The following EML5 variants were observed in gnomAD, a reference collection of about 807,000 sequenced individuals.
The protein encoded by EML5 is EMAP like 5.
In EML5, 120 loss-of-function variants were observed where a neutral mutation model predicts 250.0. The observed-to-expected ratio is 0.48, with a 90% CI of 0.41 to 0.56. The LOEUF (loss-of-function observed/expected upper bound fraction) is 0.56, where lower values mean the gene tolerates loss of function less well. Ranked by LOEUF, EML5 falls within the 20% of genes least tolerant of loss-of-function variation. The probability of loss-of-function intolerance (pLI) is 0.00; values close to 1 mark genes in which losing one functional copy is unlikely to be tolerated. For missense variants in EML5, 2,006 were observed against 2,437.6 expected (o/e 0.82, Z 3.73); for synonymous variants, 771 against 806.5 (o/e 0.96, Z 0.75).
In EML5 at chr14:88,626,750, A is replaced by G. The variant is rs2089995858; in HGVS notation, c.4740+88T>C. ...GTAATGATTAGCAGATCACAGTATCATCTCAACAACATTCATGTGGCTGAT... is the reference window on the plus strand; with the variant it reads ...GTAATGATTAGCAGATCACAGTATCGTCTCAACAACATTCATGTGGCTGAT... On this transcript the variant is annotated intron_variant, in intron 35 of 43. Coordinates refer to ENST00000554922, the MANE Select transcript of EML5 (RefSeq NM_183387.3). 6.9e-6 allele frequency: 9 copies of G among 1,309,866 alleles called. No homozygotes were observed. The South Asian group carries it at 1.0e-4, about 15-fold the overall frequency. The allele number at this position is 1,309,866 out of a possible 1,614,324, so 81.1% of individuals were successfully genotyped here.
rs1381147121 is a variant in EML5, at chr14:88,614,804, T to C, written c.*1014A>G. ...ACTGACAAGTTTTTACAAATGGAGT[T>C]GGGCTCATTCATTTTGGAAATAAAC... On this transcript the variant is annotated 3_prime_UTR_variant, in exon 44 of 44. Coordinates refer to ENST00000554922, the MANE Select transcript of EML5 (RefSeq NM_183387.3). 1 of 152,148 alleles carries C rather than the reference T, an allele frequency of 6.6e-6. No individual in the cohort carries two copies. Among genetic ancestry groups the C allele is most frequent in the Non-Finnish European group, 1.5e-5 (1 of 68,012 alleles). 9.4% of individuals were successfully genotyped at this position (152,148 alleles called of 1,614,324 possible).
In EML5 at chr14:88,661,741, T is replaced by TA; in HGVS notation, c.3587dup (p.Thr1197AsnfsTer8). The stretch of plus-strand genomic sequence containing the variant: ...TGTCACTGGTGAGGCAAGAAGCAGT[T>TA]ACATCTGTAACTTCTCCAATTACTG... On this transcript the variant is annotated frameshift_variant, in exon 25 of 44. Coordinates refer to ENST00000554922, the MANE Select transcript of EML5 (RefSeq NM_183387.3). LOFTEE classifies it high-confidence loss of function. 6.2e-7 allele frequency: 1 copy of TA among 1,613,760 alleles called. No individual in the cohort carries two copies. Among genetic ancestry groups the TA allele is most frequent in the East Asian group, 2.2e-5 (1 of 44,826 alleles).
intron 10 of EML5, among the ~76,000 whole-genome samples, chr14:88,708,015 G>A (rs1402485496): frequency 6.6e-6 from 1 of 152,140 alleles, no homozygotes; most frequent in Non-Finnish European, 1.5e-5. Context: ...CTCAGCATCT[G>A]ATCTGCCTAT....
Position 88,681,938 on chromosome 14 carries a change from C to G in EML5, c.3076G>C (p.Asp1026His). The part of the protein sequence containing the change: ...VSDDKTLRIW[D>H]LSPSHCMLAV... ...AACATACAATGACTAGGTGAGAGAT[C>G]CCATATTCTTAAGGTTTTATCATCG... Residue 1026 changes from aspartate (D) to histidine (H), a missense_variant, in exon 21 of 44, where the codon GAT (aspartate) becomes CAT (histidine). Asp to His is a moderately conservative substitution (Grantham distance 81). Coordinates refer to ENST00000554922, the MANE Select transcript of EML5 (RefSeq NM_183387.3). 6.2e-7 allele frequency: 1 copy of G among 1,613,248 alleles called. No individual in the cohort carries two copies. The highest frequency in any genetic ancestry group is 8.5e-7 in the Non-Finnish European group (1 of 1,179,620).
chr14:88,688,793 A>G (rs907846158), intron 17 of EML5, among the ~76,000 whole-genome samples: 1 of 152,210 alleles, frequency 6.6e-6, no homozygotes, highest in African/African-American at 2.4e-5. Flanking sequence ...ACCCCAATAC[A>G]ATGAATGCCT....
Position 88,715,113 on chromosome 14 carries a change from C to T in EML5, c.1270G>A (p.Ala424Thr), listed in dbSNP as rs527837701. The T allele has an allele frequency of 1.2e-6, 2 of 1,613,298 alleles. No individual in the cohort carries two copies. Among genetic ancestry groups the T allele is most frequent in the African/African-American group, 2.7e-5 (2 of 74,922 alleles). ...ACCGAGCTGTCATTGCATCCAACAG[C>T]AAGGTAAGTTCCATCTGGTGAATAT... ...LKYSPDGTYL[A>T]VGCNDSSVDI... The change falls in exon 9 of 44, where the codon GCT becomes ACT. Residue 424 changes from alanine to threonine, a missense_variant. Physicochemically the swap from Ala to Thr is moderately conservative, Grantham distance 58. This residue lies in a region of EML5 where 1,375 missense variants were observed against 1,590.3 expected (regional missense o/e 0.86). Transcript: ENST00000554922.
Position 88,657,497 on chromosome 14 carries a change from C to T in EML5, c.3883G>A (p.Asp1295Asn). Residue 1295 changes from aspartate (D) to asparagine (N), a missense_variant, in exon 27 of 44, where the codon GAC (aspartate) becomes AAC (asparagine). Asp to Asn is a conservative substitution (Grantham distance 23). Coordinates refer to ENST00000554922, the MANE Select transcript of EML5 (RefSeq NM_183387.3). ...TCATTCTCCCTTGTAACATCACTGT[C>T]ATAGCCTACAATAAAAATATACGAG... Reference protein sequence around the residue: ...DIDSEEDGGYDSDVTRENEIS... With the variant: ...DIDSEEDGGYNSDVTRENEIS... 6.3e-7 allele frequency: 1 copy of T among 1,596,046 alleles called. No individual in the cohort carries two copies. The highest frequency in any genetic ancestry group is 1.2e-5 in the South Asian group (1 of 86,732).
At chr14:88,730,576 A>G (rs2093739665) in intron 7 of EML5, among the ~76,000 whole-genome samples, 1 of 152,230 alleles carries the variant, frequency 6.6e-6, no homozygotes, top group Admixed American at 6.5e-5. Context: ...TAATTTAAAA[A>G]CACGACAAAT....
rs771443720 is a variant in EML5 at position 88,738,904 on chromosome 14, G to A, written c.822C>T (p.Leu274=). The A allele has an allele frequency of 6.3e-7, 1 of 1,579,778 alleles. No individual in the cohort carries two copies. Among genetic ancestry groups the A allele is most frequent in the South Asian group, 1.2e-5 (1 of 85,628 alleles). ...CTTTGTATCCCTGGTCTGTTTCCCTGAGATCAATCACAGTAATTGGTTTAA... is the reference window on the plus strand; with the variant it reads ...CTTTGTATCCCTGGTCTGTTTCCCTAAGATCAATCACAGTAATTGGTTTAA... ...LTFKPITVID[L]RETDQGYKGL... Residue 274 remains leucine, a synonymous_variant, in exon 6 of 44, where the codon CTC becomes CTT. Coordinates refer to ENST00000554922, the MANE Select transcript of EML5 (RefSeq NM_183387.3).
At chr14:88,780,975 T>G (rs11628445) in intron 1 of EML5, among the ~76,000 whole-genome samples, 25,800 of 152,174 alleles carry the variant, frequency 0.17, 2,876 homozygotes, top group African/African-American at 0.31. Context: ...AATGTTTGAT[T>G]AAATCATCTG....
intron 1 of EML5, among the ~76,000 whole-genome samples, chr14:88,788,245 C>T (rs77230377): frequency 0.018 from 2,702 of 152,262 alleles, 81 homozygotes; most frequent in African/African-American, 0.06. Flanking sequence ...ACAATTTTGA[C>T]TTGCGTTGAA....
intron 37 of EML5, chr14:88,621,608 G>A: frequency 2.4e-6 from 1 of 409,186 alleles, no homozygotes; most frequent in Non-Finnish European, 4.4e-6. Flanking sequence ...CCAAACTGGG[G>A]TCAGTGCAGT....
Position 88,615,813 on chromosome 14 carries a change from ATC to A in EML5, c.*3_*4del, listed in dbSNP as rs1488072925. ...AGTTAATTTCTGTAGTCATCTCAGC[ATC>A]TCTCAGTGAGGTGTATGTACACATT... On this transcript the variant is annotated 3_prime_UTR_variant, in exon 44 of 44. Transcript: ENST00000554922. 3.1e-6 allele frequency: 5 copies of A among 1,610,938 alleles called. No homozygotes were observed. The East Asian group carries it at 6.7e-5, about 22-fold the overall frequency.
chr14:88,724,009 G>A (rs2093628681), intron 8 of EML5, among the ~76,000 whole-genome samples: 2 of 151,716 alleles, frequency 1.3e-5, no homozygotes, highest in South Asian at 2.1e-4. Flanking sequence ...AGTAGCTCAC[G>A]CCTGTAATCC....
chr14:88,638,840 T>C lies in EML5; in HGVS notation c.4305A>G (p.Lys1435=). The change falls in exon 32 of 44, where the codon AAA becomes AAG. Residue 1435 remains lysine, a synonymous_variant. Transcript: ENST00000554922. ...ILCLTVNQHP[K]FINIVATGQV... ...GGCCAGTTGCCACTATGTTGATAAA[T>C]TTGGGGTGCTGGTTTACTGTGAGGC... The C allele has an allele frequency of 3.8e-6, 6 of 1,597,110 alleles. No homozygotes were observed. Among genetic ancestry groups the C allele is most frequent in the Non-Finnish European group, 5.1e-6 (6 of 1,171,250 alleles).
chr14:88,618,094 A>G (rs2088038256), intron 41 of EML5, 134 bp downstream of exon 41: 1 of 606,336 alleles, frequency 1.6e-6, no homozygotes, highest in Non-Finnish European at 2.8e-6. Flanking sequence ...TGAACATACC[A>G]TTTCAAAATA....
intron 10 of EML5, among the ~76,000 whole-genome samples, chr14:88,711,942 C>CAA (rs796154018): frequency 1.4e-3 from 135 of 97,172 alleles, no homozygotes; most frequent in Admixed American, 0.013. Flanking sequence ...GACCCTGTCT[C>CAA]AAAAAAAAAA....
At chr14:88,631,912 A>G (rs1213899854) in intron 33 of EML5, among the ~76,000 whole-genome samples, 2 of 152,178 alleles carry the variant, frequency 1.3e-5, no homozygotes, top group Non-Finnish European at 2.9e-5. Context: ...CCTTGTTCCA[A>G]CCTAATACTC....
chr14:88,638,352 AGG>A (rs1482783716), intron 32 of EML5, among the ~76,000 whole-genome samples: 1 of 152,232 alleles, frequency 6.6e-6, no homozygotes, highest in Non-Finnish European at 1.5e-5. Context: ...AAAAGGCAGA[AGG>A]GATTTACCAA....
Sources: gnomAD v4.1 joint callset for allele counts (sites outside exome capture counted in the v4.1 genomes callset) on GRCh38, gnomAD v4.1.1 for gene constraint, gnomAD v4.1.1 regional missense constraint, MANE v1.5 for transcripts, NCBI Gene and HGNC (gene_info 2026-07-23, HGNC 2026-07-21) for gene names.